ADARB2: variants seen among roughly 807,000 people sequenced by gnomAD.
The protein encoded by ADARB2 is inactive double-stranded RNA-specific editase B2.
Under a neutral mutation model 62.2 loss-of-function variants are expected in ADARB2, and 25 were observed. The ratio of observed to expected loss-of-function variants is 0.40; its 90% CI spans 0.29 to 0.56. The LOEUF (loss-of-function observed/expected upper bound fraction) is 0.56. Among genes scored for constraint, ADARB2 ranks in the 20% least tolerant of loss-of-function variants. The pLI is 0.43. For synonymous variants in ADARB2, 572 were observed against 500.8 expected (o/e 1.14, Z -1.90); for missense variants, 1,071 against 1,077.4 (o/e 0.99, Z 0.08).
Position 1,264,394 on chromosome 10 carries a change from C to T in ADARB2, c.1192+6561G>A, listed in dbSNP as rs548028817. ...AATAAACTCCTTATACTCCGCTTCT[C>T]TTAGGTCCTTGTGAAGATGAACTTA... On this transcript the variant is annotated intron_variant, in intron 4 of 9. Coordinates refer to ENST00000381312, the MANE Select transcript of ADARB2 (RefSeq NM_018702.4). Among the ~76,000 whole-genome samples, 21 of 152,318 alleles carry T rather than the reference C, an allele frequency of 1.4e-4. 1 individual carries two copies. In the South Asian group the frequency reaches 4.1e-3, roughly 30 times the overall value.
intron 1 of ADARB2, among the ~76,000 whole-genome samples, chr10:1,615,090 C>T (rs1833615855): frequency 6.6e-6 from 1 of 152,106 alleles, no homozygotes; most frequent in Admixed American, 6.5e-5. Flanking sequence ...TTACTTCTGT[C>T]TGAGGCCTGA....
intron 3 of ADARB2, among the ~76,000 whole-genome samples, chr10:1,317,802 C>T (rs559658896): frequency 7.2e-5 from 11 of 152,128 alleles, no homozygotes; most frequent in South Asian, 4.2e-4. Flanking sequence ...GGGCCGGCCA[C>T]GCCCCTCCAT....
intron 1 of ADARB2, among the ~76,000 whole-genome samples, chr10:1,529,990 G>A (rs1157900254): frequency 1.3e-5 from 2 of 151,566 alleles, no homozygotes; most frequent in South Asian, 2.1e-4. Context: ...CTGCCACTGT[G>A]GGCACCCGTC....
At chr10:1,247,895 C>G (rs537348240) in intron 4 of ADARB2, among the ~76,000 whole-genome samples, 1 of 152,152 alleles carries the variant, frequency 6.6e-6, no homozygotes. Context: ...ACAGAGGTGT[C>G]TAACATTCTC....
chr10:1,304,960 A>G, intron 3 of ADARB2, among the ~76,000 whole-genome samples: 1 of 98,580 alleles, frequency 1.0e-5, no homozygotes, highest in African/African-American at 2.9e-5. Context: ...CATCACAATT[A>G]AAAGAACTAG....
At chr10:1,429,455 TAAG>T (rs1830756810) in intron 1 of ADARB2, among the ~76,000 whole-genome samples, 1 of 152,138 alleles carries the variant, frequency 6.6e-6, no homozygotes, top group Non-Finnish European at 1.5e-5. Flanking sequence ...TCATTCTCAA[TAAG>T]AAGACTCCGT....
At chr10:1,621,614 C>G in intron 1 of ADARB2, among the ~76,000 whole-genome samples, 1 of 152,150 alleles carries the variant, frequency 6.6e-6, no homozygotes, top group Non-Finnish European at 1.5e-5. Flanking sequence ...TGAGTTTTCA[C>G]TGTGTTAGGA....
intron 4 of ADARB2, among the ~76,000 whole-genome samples, chr10:1,252,589 C>G (rs1831046404): frequency 6.6e-6 from 1 of 152,176 alleles, no homozygotes; most frequent in Admixed American, 6.5e-5. Flanking sequence ...CATGATCGGC[C>G]TGCAATCCCA....
intron 1 of ADARB2, among the ~76,000 whole-genome samples, chr10:1,546,204 C>G (rs948976267): frequency 6.6e-6 from 1 of 152,132 alleles, no homozygotes; most frequent in East Asian, 1.9e-4. Context: ...CGTGAACTCC[C>G]GATTTTAGTC....
intron 1 of ADARB2, among the ~76,000 whole-genome samples, chr10:1,462,780 T>C (rs1236381306): frequency 6.6e-6 from 1 of 152,110 alleles, no homozygotes; most frequent in African/African-American, 2.4e-5. Flanking sequence ...TGTTTATGTG[T>C]GCACGTGTGT....
chr10:1,267,436 G>A (rs945235806), intron 4 of ADARB2, among the ~76,000 whole-genome samples: 17 of 152,224 alleles, frequency 1.1e-4, no homozygotes, highest in African/African-American at 4.1e-4. Context: ...GGAAGACAAT[G>A]ATTCCGGAGA....
chr10:1,611,779 GA>G (rs759665984), intron 1 of ADARB2, among the ~76,000 whole-genome samples: 5 of 152,214 alleles, frequency 3.3e-5, no homozygotes, highest in Non-Finnish European at 1.5e-5. Flanking sequence ...CCAGCGATGA[GA>G]TTTTTTTTGT....
chr10:1,538,091 A>G (rs2676778), intron 1 of ADARB2, among the ~76,000 whole-genome samples: 115,920 of 152,214 alleles, frequency 0.76, 44,771 homozygotes, highest in Non-Finnish European at 0.82. Context: ...AGACACACAC[A>G]GATGACACAG....
Position 1,363,847 on chromosome 10 carries a change from C to A in ADARB2, c.258G>T (p.Gly86=). Residue 86 remains glycine, a synonymous_variant, in exon 3 of 10, where the codon GGG becomes GGT. Coordinates refer to ENST00000381312, the MANE Select transcript of ADARB2 (RefSeq NM_018702.4). The stretch of plus-strand genomic sequence containing the variant: ...CGGGCGCGCCGCCCCGGGCCCGGTC[C>A]CCGGAGGGCGGTGGCCGCGCGGCCA... ...GNLAARPPPS[G]DRARGGAPGA... 3 of 1,541,142 alleles carry A rather than the reference C, an allele frequency of 1.9e-6. No individual in the cohort carries two copies. The highest frequency in any genetic ancestry group is 2.6e-6 in the Non-Finnish European group (3 of 1,152,248).
chr10:1,673,698 T>C (rs950747519), intron 1 of ADARB2, among the ~76,000 whole-genome samples: 5 of 152,132 alleles, frequency 3.3e-5, no homozygotes, highest in African/African-American at 1.2e-4. Context: ...ATCCCTCCAA[T>C]GGAGTCTGCT....
At chr10:1,581,498 T>A (rs944605952) in intron 1 of ADARB2, among the ~76,000 whole-genome samples, 1 of 152,206 alleles carries the variant, frequency 6.6e-6, no homozygotes, top group Admixed American at 6.5e-5. Context: ...CTGGCTCTAC[T>A]CCTTGTTAGC....
intron 1 of ADARB2, among the ~76,000 whole-genome samples, chr10:1,582,579 A>C (rs1833119906): frequency 1.3e-5 from 2 of 152,168 alleles, no homozygotes; most frequent in African/African-American, 2.4e-5. Flanking sequence ...CTTCCATTGC[A>C]ATTGCCACCA....
At chr10:1,598,081 A>G (rs1414730881) in intron 1 of ADARB2, among the ~76,000 whole-genome samples, 1 of 152,256 alleles carries the variant, frequency 6.6e-6, no homozygotes, top group African/African-American at 2.4e-5. Flanking sequence ...GTACCCATGG[A>G]TACACTGAGT....
At chr10:1,664,230 G>A (rs888690241) in intron 1 of ADARB2, among the ~76,000 whole-genome samples, 1 of 151,628 alleles carries the variant, frequency 6.6e-6, no homozygotes, top group Non-Finnish European at 1.5e-5. Flanking sequence ...GTTGGTCAGT[G>A]TGTGGGTTTC....
Sources: allele counts gnomAD v4.1 joint callset (sites outside exome capture counted in the v4.1 genomes callset), GRCh38; gene constraint gnomAD v4.1.1; transcripts MANE v1.5; gene names NCBI Gene and HGNC (gene_info 2026-07-23, HGNC 2026-07-21).